The following PDZD2 variants were observed in gnomAD, a reference collection of about 807,000 sequenced individuals.
PDZD2 encodes PDZ domain-containing protein 2.
In PDZD2, 90 loss-of-function variants were observed where a neutral mutation model predicts 220.7. That is an observed-to-expected ratio of 0.41 (90% CI 0.34 to 0.49). The LOEUF (loss-of-function observed/expected upper bound fraction) is 0.49. Among genes scored for constraint, PDZD2 ranks in the 20% least tolerant of loss-of-function variants. PDZD2 has a pLI of 0.28. For missense variants in PDZD2, 3,174 were observed against 3,608.5 expected (o/e 0.88, Z 3.08); for synonymous variants, 1,375 against 1,450.5 (o/e 0.95, Z 1.18).
chr5:32,038,569 C>G (rs1581344089), intron 7 of PDZD2, among the ~76,000 whole-genome samples: 1 of 152,068 alleles, frequency 6.6e-6, no homozygotes, highest in African/African-American at 2.4e-5. Flanking sequence ...AAAGATACAG[C>G]TGGATTCATT....
intron 1 of PDZD2, among the ~76,000 whole-genome samples, chr5:31,796,228 C>G (rs1554075885): frequency 6.6e-6 from 1 of 152,056 alleles, no homozygotes; most frequent in East Asian, 1.9e-4. Context: ...TTTTTTCTTT[C>G]ATTTTAAAGT....
chr5:31,791,054 G>A (rs951906195), intron 1 of PDZD2, among the ~76,000 whole-genome samples: 6 of 152,078 alleles, frequency 3.9e-5, no homozygotes, highest in Non-Finnish European at 8.8e-5. Flanking sequence ...AGTTGAAACC[G>A]TGGTTTCTGC....
At chr5:32,077,132 A>C (rs1365085999) in intron 18 of PDZD2, among the ~76,000 whole-genome samples, 1 of 152,238 alleles carries the variant, frequency 6.6e-6, no homozygotes, top group Non-Finnish European at 1.5e-5. Flanking sequence ...ATCTCTATGC[A>C]ATATAATAAC....
intron 14 of PDZD2, among the ~76,000 whole-genome samples, chr5:32,062,150 ATACC>A (rs1739750164): frequency 6.6e-6 from 1 of 152,214 alleles, no homozygotes; most frequent in Non-Finnish European, 1.5e-5. Flanking sequence ...AGTCAGAAAA[ATACC>A]TGTTTATCTT....
intron 1 of PDZD2, among the ~76,000 whole-genome samples, chr5:31,735,563 C>A (rs1453948418): frequency 2.0e-5 from 3 of 152,080 alleles, no homozygotes; most frequent in African/African-American, 7.2e-5. Flanking sequence ...CTTTGGGAGG[C>A]CAAGGTGGGG....
intron 1 of PDZD2, among the ~76,000 whole-genome samples, chr5:31,723,207 T>C (rs1346590503): frequency 2.0e-5 from 3 of 152,254 alleles, no homozygotes; most frequent in Admixed American, 6.5e-5. Context: ...TTTTGTTCTT[T>C]ACAGGCGAAG....
chr5:31,941,609 A>C (rs2150403134), intron 2 of PDZD2, among the ~76,000 whole-genome samples: 1 of 152,302 alleles, frequency 6.6e-6, no homozygotes, highest in South Asian at 2.1e-4. Context: ...TGAAATGCTG[A>C]AGCTGTGAAA....
chr5:31,690,204 T>C (rs1188308471), intron 1 of PDZD2, among the ~76,000 whole-genome samples: 2 of 151,972 alleles, frequency 1.3e-5, no homozygotes, highest in Admixed American at 6.6e-5. Context: ...CCTTAGAGGG[T>C]TGCATTTCTT....
intron 2 of PDZD2, among the ~76,000 whole-genome samples, chr5:31,982,566 C>T (rs544403732): frequency 6.6e-6 from 1 of 152,310 alleles, no homozygotes; most frequent in East Asian, 1.9e-4. Context: ...CTTGGCCTCC[C>T]AAAGCGCTGG....
chr5:31,998,890 C>T (rs1751866999), intron 4 of PDZD2, among the ~76,000 whole-genome samples: 1 of 152,260 alleles, frequency 6.6e-6, no homozygotes, highest in South Asian at 2.1e-4. Flanking sequence ...GGTCCCTCTG[C>T]CTCACCAGCT....
At chr5:31,974,404 C>T (rs12186888) in intron 2 of PDZD2, among the ~76,000 whole-genome samples, 45,969 of 151,952 alleles carry the variant, frequency 0.3, 7,445 homozygotes, top group Non-Finnish European at 0.36. Context: ...TTTTAAGATG[C>T]GTATTGGTTT....
intron 2 of PDZD2, among the ~76,000 whole-genome samples, chr5:31,849,377 C>G (rs957613288): frequency 6.6e-6 from 1 of 150,526 alleles, no homozygotes; most frequent in Non-Finnish European, 1.5e-5. Flanking sequence ...CTTCACAGGG[C>G]TACTGCAAAA....
At chr5:32,041,606 A>C (rs1261537910) in intron 7 of PDZD2, among the ~76,000 whole-genome samples, 5 of 152,142 alleles carry the variant, frequency 3.3e-5, no homozygotes, top group African/African-American at 1.2e-4. Context: ...AGGGCGGTGC[A>C]AGATGTGCTT....
At chr5:31,831,864 A>G (rs1488501518) in intron 2 of PDZD2, among the ~76,000 whole-genome samples, 1 of 144,594 alleles carries the variant, frequency 6.9e-6, no homozygotes, top group Non-Finnish European at 1.5e-5. Flanking sequence ...CAGTGAGCCA[A>G]GATTGCCCCA....
At chr5:32,078,711 A>G (rs1741592977) in intron 19 of PDZD2, among the ~76,000 whole-genome samples, 1 of 151,162 alleles carries the variant, frequency 6.6e-6, no homozygotes, top group East Asian at 1.9e-4. Context: ...GGCTAAGACC[A>G]GGAGGGTTAC....
intron 1 of PDZD2, among the ~76,000 whole-genome samples, chr5:31,658,689 G>A (rs966907243): frequency 6.0e-5 from 9 of 151,146 alleles, no homozygotes; most frequent in Admixed American, 3.3e-4. Context: ...GCGCAGTCTC[G>A]TCTCACTGCA....
intron 2 of PDZD2, among the ~76,000 whole-genome samples, chr5:31,910,671 A>C (rs1435020593): frequency 6.6e-6 from 1 of 150,576 alleles, no homozygotes; most frequent in African/African-American, 2.4e-5. Flanking sequence ...GATTACAAGC[A>C]TGAGCTACCA....
intron 1 of PDZD2, among the ~76,000 whole-genome samples, chr5:31,668,498 T>C (rs1046461766): frequency 1.3e-5 from 2 of 152,220 alleles, no homozygotes; most frequent in African/African-American, 2.4e-5. Context: ...AGCAGCTCTG[T>C]TGCTAATAAA....
chr5:32,093,113 C>A, intron 21 of PDZD2, 89 bp downstream of exon 21: 1 of 717,766 alleles, frequency 1.4e-6, no homozygotes, highest in Non-Finnish European at 2.5e-6. Flanking sequence ...CCGAGGAGAG[C>A]CCGCCCCGAG....
Sources: gnomAD v4.1 joint callset for allele counts (sites outside exome capture counted in the v4.1 genomes callset) on GRCh38, gnomAD v4.1.1 for gene constraint, MANE v1.5 for transcripts, NCBI Gene and HGNC (gene_info 2026-07-23, HGNC 2026-07-21) for gene names.